CDH8: variants seen among roughly 807,000 people sequenced by gnomAD.
CDH8 encodes the protein cadherin-8.
Under a neutral mutation model 68.1 loss-of-function variants are expected in CDH8, and 17 were observed. That is an observed-to-expected ratio of 0.25 (90% CI 0.17 to 0.37). The LOEUF (loss-of-function observed/expected upper bound fraction) is 0.37. CDH8 is among the 10% of genes least tolerant of loss of function. The pLI is 1.00. For synonymous variants in CDH8, 372 were observed against 365.1 expected, an observed-to-expected ratio of 1.02 and a Z score of -0.21; for missense variants, 763 against 999.3, an observed-to-expected ratio of 0.76 and a Z score of 3.19.
intron 8 of CDH8, among the ~76,000 whole-genome samples, chr16:61,765,972 TTTTA>T (rs1166002667): frequency 6.6e-6 from 1 of 152,002 alleles, no homozygotes; most frequent in Non-Finnish European, 1.5e-5. Context: ...CATATTTCAA[TTTTA>T]TTTATTTATT....
rs76449380 is a variant in CDH8 at position 61,712,800 on chromosome 16, G to A, written c.1654+1041C>T. On this transcript the variant is annotated intron_variant, in intron 10 of 11. Transcript: ENST00000577390. ...GTGATTCATCCACATTTATCAAAGC[G>A]TCCCCACAGAACTATGTAGCATTTT... Among the ~76,000 whole-genome samples the A allele has an allele frequency of 7.6e-3, 1,157 of 151,530 alleles. 12 individuals are homozygous for A. The highest frequency in any genetic ancestry group is 0.011 in the Non-Finnish European group (737 of 67,616).
intron 7 of CDH8, among the ~76,000 whole-genome samples, chr16:61,812,420 T>C (rs1961972274): frequency 6.6e-6 from 1 of 152,232 alleles, no homozygotes; most frequent in African/African-American, 2.4e-5. Flanking sequence ...CCTCCTACTC[T>C]GCCTGCTGAA....
chr16:61,801,406 C>G (rs1332577770), intron 7 of CDH8, among the ~76,000 whole-genome samples: 1 of 152,132 alleles, frequency 6.6e-6, no homozygotes. Flanking sequence ...ATATGGTAAC[C>G]ACTGTGGATT....
intron 10 of CDH8, among the ~76,000 whole-genome samples, chr16:61,709,642 A>T (rs529547693): frequency 6.6e-6 from 1 of 152,204 alleles, no homozygotes; most frequent in Non-Finnish European, 1.5e-5. Context: ...ACAATTTTAT[A>T]TGCTAGAATT....
At position 61,918,001 on chromosome 16, in the gene CDH8, T is replaced by C. The variant is rs376142588; in HGVS notation, c.253-16528A>G. Among the ~76,000 whole-genome samples, 246 of 150,520 alleles carry C rather than the reference T, an allele frequency of 1.6e-3. 3 individuals are homozygous for C. The highest frequency in any genetic ancestry group is 5.3e-3 in the African/African-American group (217 of 40,950). ...TTTTTTTTTTTTACCGTACTGACAT[T>C]TGTACTGATGTACATGTAATGATGG... is the stretch of plus-strand genomic sequence containing the variant. On this transcript the variant is annotated intron_variant, in intron 2 of 11. Transcript: ENST00000577390.
chr16:61,995,139 T>C (rs1965787806), intron 2 of CDH8, among the ~76,000 whole-genome samples: 1 of 152,170 alleles, frequency 6.6e-6, no homozygotes, highest in Non-Finnish European at 1.5e-5. Context: ...CTAGTATACA[T>C]ACAATGAAAA....
chr16:61,926,281 C>T (rs1404181268), intron 2 of CDH8, among the ~76,000 whole-genome samples: 1 of 151,464 alleles, frequency 6.6e-6, no homozygotes, highest in Non-Finnish European at 1.5e-5. Flanking sequence ...AGGTTTGATC[C>T]TTTGGCAGAT....
intron 2 of CDH8, among the ~76,000 whole-genome samples, chr16:61,958,391 G>C (rs944946294): frequency 1.3e-5 from 2 of 152,158 alleles, no homozygotes; most frequent in Admixed American, 1.3e-4. Context: ...AAACAAAGCA[G>C]AACTACATCA....
intron 10 of CDH8, among the ~76,000 whole-genome samples, chr16:61,711,924 G>A (rs886945460): frequency 6.6e-6 from 1 of 151,530 alleles, no homozygotes; most frequent in African/African-American, 2.4e-5. Context: ...TCTAAAACAA[G>A]CAATCATGAT....
At chr16:61,733,029 T>C (rs2142906704) in intron 8 of CDH8, among the ~76,000 whole-genome samples, 1 of 151,986 alleles carries the variant, frequency 6.6e-6, no homozygotes, top group South Asian at 2.1e-4. Flanking sequence ...TCTAAGATTC[T>C]TTTAAAAACA....
intron 4 of CDH8, among the ~76,000 whole-genome samples, chr16:61,846,925 T>C (rs947231487): frequency 2.0e-5 from 3 of 152,132 alleles, no homozygotes; most frequent in Admixed American, 2.0e-4. Context: ...GCTAGTCTTA[T>C]GTAGAACTTA....
chr16:61,976,586 T>C (rs1488453613), intron 2 of CDH8, among the ~76,000 whole-genome samples: 1 of 152,172 alleles, frequency 6.6e-6, no homozygotes, highest in African/African-American at 2.4e-5. Flanking sequence ...AGACTTCTCA[T>C]TGATTCTATG....
At chr16:61,782,748 G>C (rs571303098) in intron 8 of CDH8, among the ~76,000 whole-genome samples, 4,622 of 152,012 alleles carry the variant, frequency 0.03, 210 homozygotes, top group African/African-American at 0.11. Context: ...ATCTGAGAAC[G>C]GGCAGACTGC....
chr16:61,669,224 C>A (rs909945622), intron 10 of CDH8, among the ~76,000 whole-genome samples: 15 of 152,156 alleles, frequency 9.9e-5, no homozygotes, highest in African/African-American at 3.6e-4. Flanking sequence ...ACTTTCCTTG[C>A]CATCAGCTAT....
intron 2 of CDH8, among the ~76,000 whole-genome samples, chr16:62,003,316 GA>G (rs1965923278): frequency 6.6e-6 from 1 of 152,102 alleles, no homozygotes; most frequent in African/African-American, 2.4e-5. Context: ...ACAGTTTGAA[GA>G]TCAAGCGTTT....
intron 10 of CDH8, among the ~76,000 whole-genome samples, chr16:61,697,739 C>T (rs777676788): frequency 5.3e-5 from 8 of 152,198 alleles, no homozygotes; most frequent in Non-Finnish European, 1.2e-4. Context: ...GATCTGCCCG[C>T]CTTAGCTTCT....
At chr16:61,866,886 T>G (rs938420056) in intron 3 of CDH8, among the ~76,000 whole-genome samples, 1 of 152,170 alleles carries the variant, frequency 6.6e-6, no homozygotes, top group African/African-American at 2.4e-5. Context: ...AAGTATAAAT[T>G]TAAGGCCAAG....
chr16:61,768,754 C>T (rs907939834), intron 8 of CDH8, among the ~76,000 whole-genome samples: 2 of 151,540 alleles, frequency 1.3e-5, no homozygotes, highest in African/African-American at 4.8e-5. Context: ...TTTGAATAGC[C>T]AACCAACGTT....
chr16:61,780,972 T>C (rs932323407), intron 8 of CDH8, among the ~76,000 whole-genome samples: 1 of 152,210 alleles, frequency 6.6e-6, no homozygotes, highest in Non-Finnish European at 1.5e-5. Flanking sequence ...TCTGCAAAAA[T>C]TCAAACAAAG....
Sources: gnomAD v4.1 joint callset for allele counts (sites outside exome capture counted in the v4.1 genomes callset) on GRCh38, gnomAD v4.1.1 for gene constraint, MANE v1.5 for transcripts, NCBI Gene and HGNC (gene_info 2026-07-23, HGNC 2026-07-21) for gene names.